Variants in STK33 observed in about 807,000 individuals in gnomAD.
STK33 encodes the protein serine/threonine kinase 33.
A neutral mutation model predicts 58.0 loss-of-function variants in STK33; 52 were observed. The ratio of observed to expected loss-of-function variants is 0.90; its 90% CI spans 0.72 to 1.13. The LOEUF (loss-of-function observed/expected upper bound fraction) is 1.13. Among genes scored for constraint, STK33 ranks in the 50% most tolerant of loss-of-function variants. The pLI is 0.00. For missense variants in STK33, 630 were observed against 604.2 expected, an observed-to-expected ratio of 1.04 and a Z score of -0.45; for synonymous variants, 215 against 200.1, an observed-to-expected ratio of 1.07 and a Z score of -0.63.
chr11:8,378,120 G>A, the STK33 span, among the ~76,000 whole-genome samples: 4 of 152,300 alleles, frequency 2.6e-5, no homozygotes, highest in Non-Finnish European at 5.9e-5. Context: ...CCATTCCGCA[G>A]GGCTAGGGAG....
At chr11:8,504,553 C>A (rs745577263) in intron 1 of STK33, among the ~76,000 whole-genome samples, 2 of 152,106 alleles carry the variant, frequency 1.3e-5, no homozygotes, top group Non-Finnish European at 2.9e-5. Context: ...CTTTGGGAGA[C>A]CAAGGTGGGA....
chr11:8,508,266 C>CTTTTTTT lies in STK33; in HGVS notation c.-465-27659_-465-27653dup, dbSNP rs34759366. Among the ~76,000 whole-genome samples, 102 of 114,250 alleles carry CTTTTTTT rather than the reference C, an allele frequency of 8.9e-4. 3 individuals are homozygous for CTTTTTTT. The highest frequency in any genetic ancestry group is 1.9e-3 in the African/African-American group (53 of 28,536). 75.0% of individuals were successfully genotyped at this position (114,250 alleles called of 152,430 possible). A position where few individuals can be genotyped will look rare whatever the true frequency, so the allele number is the denominator to read the frequency against. Reference sequence around the variant, plus strand: ...TGAAACAAATACTCTACCTTCTATTCTTTTTTTTTTTTTTTTTTTTGAGAC... The same window carrying CTTTTTTT: ...TGAAACAAATACTCTACCTTCTATTCTTTTTTTTTTTTTTTTTTTTTTTTTTTGAGAC... On this transcript the variant is annotated intron_variant, in intron 1 of 15. Coordinates refer to ENST00000687296, the MANE Select transcript of STK33 (RefSeq NM_001352389.2).
chr11:8,498,918 T>C (rs918779718), intron 1 of STK33, among the ~76,000 whole-genome samples: 12 of 152,070 alleles, frequency 7.9e-5, no homozygotes, highest in Non-Finnish European at 1.6e-4. Context: ...TTATACCTTA[T>C]ACAAAAATTA....
At chr11:8,514,504 T>A (rs1256447143) in intron 1 of STK33, among the ~76,000 whole-genome samples, 1 of 152,190 alleles carries the variant, frequency 6.6e-6, no homozygotes, top group African/African-American at 2.4e-5. Context: ...AGTGGGATGT[T>A]ACTGATAGCC....
At chr11:8,449,143 G>A (rs1945925109) in intron 11 of STK33, among the ~76,000 whole-genome samples, 1 of 151,656 alleles carries the variant, frequency 6.6e-6, no homozygotes, top group Non-Finnish European at 1.5e-5. Context: ...ACAGGTGCTG[G>A]AGAGGATGTG....
chr11:8,567,964 T>A (rs943653431), intron 1 of STK33, among the ~76,000 whole-genome samples: 2 of 152,190 alleles, frequency 1.3e-5, no homozygotes, highest in Non-Finnish European at 2.9e-5. Flanking sequence ...GACTAAAAAA[T>A]GCCTCCCTAC....
rs373287293 is a variant in STK33 at position 8,458,093 on chromosome 11, G to A, written c.559-614C>T. On this transcript the variant is annotated intron_variant, in intron 8 of 15. Coordinates refer to ENST00000687296, the MANE Select transcript of STK33 (RefSeq NM_001352389.2). ...CACTGAAGATTTTTAAGCTAGTGCC[G>A]GGGTTGCGGGGTGCACGTGTATGAT... is the stretch of plus-strand genomic sequence containing the variant. Among the ~76,000 whole-genome samples, 21 of 152,200 alleles carry A rather than the reference G, an allele frequency of 1.4e-4. 1 individual carries two copies. The highest frequency in any genetic ancestry group is 9.8e-4 in the Admixed American group (15 of 15,292).
chr11:8,335,919 T>G, the STK33 span, among the ~76,000 whole-genome samples: 1 of 152,202 alleles, frequency 6.6e-6, no homozygotes, highest in African/African-American at 2.4e-5. Flanking sequence ...ACGCGGCTAT[T>G]GTACTCTACA....
At chr11:8,538,149 T>C (rs1378332169) in intron 1 of STK33, among the ~76,000 whole-genome samples, 4 of 151,926 alleles carry the variant, frequency 2.6e-5, no homozygotes, top group Admixed American at 2.6e-4. Flanking sequence ...GAATGCGCTG[T>C]TGCACTCTAG....
chr11:8,405,936 A>T (rs1939077262), intron 15 of STK33, among the ~76,000 whole-genome samples: 1 of 151,982 alleles, frequency 6.6e-6, no homozygotes, highest in Non-Finnish European at 1.5e-5. Flanking sequence ...AGGTCAGGAG[A>T]TCGAGACCAT....
chr11:8,391,220 A>G (rs1210665128), downstream of STK33, among the ~76,000 whole-genome samples: 2 of 152,240 alleles, frequency 1.3e-5, no homozygotes, highest in Admixed American at 6.5e-5. Context: ...GGCTTATGAT[A>G]CGACTGGAAC....
intron 1 of STK33, among the ~76,000 whole-genome samples, chr11:8,484,053 A>T (rs932945691): frequency 6.6e-6 from 1 of 152,170 alleles, no homozygotes; most frequent in African/African-American, 2.4e-5. Flanking sequence ...TTCTGAGACA[A>T]TTTTACATCT....
chr11:8,435,793 T>G (rs1424705194), intron 13 of STK33, among the ~76,000 whole-genome samples: 1 of 152,208 alleles, frequency 6.6e-6, no homozygotes, highest in Non-Finnish European at 1.5e-5. Flanking sequence ...ATAGTAAACA[T>G]TAGCTAGATG....
At chr11:8,459,789 G>A (rs1947298140) in intron 8 of STK33, among the ~76,000 whole-genome samples, 1 of 152,138 alleles carries the variant, frequency 6.6e-6, no homozygotes, top group Non-Finnish European at 1.5e-5. Context: ...GCTGTAGAGA[G>A]AGAAATCTCC....
At chr11:8,341,088 C>T in the STK33 span, among the ~76,000 whole-genome samples, 1 of 131,042 alleles carries the variant, frequency 7.6e-6, no homozygotes, top group South Asian at 2.7e-4. Flanking sequence ...GAACTCATGA[C>T]CTCAGGTGAT....
In STK33 at chr11:8,474,705, T is replaced by G; in HGVS notation, c.201A>C (p.Arg67Ser). 6.2e-7 allele frequency: 1 copy of G among 1,611,120 alleles called. No individual in the cohort carries two copies. The highest frequency in any genetic ancestry group is 1.7e-4 in the Middle Eastern group (1 of 6,002). ...LERKKEKNIN[R>S]DITSRKDLPS... ...CCAAATCTTTCCTGGAGGTTATATCTCTGTTGATATTTTTTTCTTTTTTTC... is the reference window on the plus strand; with the variant it reads ...CCAAATCTTTCCTGGAGGTTATATCGCTGTTGATATTTTTTTCTTTTTTTC... The change falls in exon 5 of 16, where the codon AGA (arginine) becomes AGC (serine). Residue 67 changes from arginine (R) to serine (S), a missense_variant. Coordinates refer to ENST00000687296, the MANE Select transcript of STK33 (RefSeq NM_001352389.2).
chr11:8,569,371 T>C (rs1475667051), intron 1 of STK33, among the ~76,000 whole-genome samples: 1 of 152,088 alleles, frequency 6.6e-6, no homozygotes, highest in Non-Finnish European at 1.5e-5. Context: ...ACAAGAAAAG[T>C]CTTCAACAAA....
chr11:8,403,993 T>C (rs563342729), intron 15 of STK33, among the ~76,000 whole-genome samples: 2 of 152,326 alleles, frequency 1.3e-5, no homozygotes, highest in East Asian at 3.9e-4. Context: ...ATAGCAACAA[T>C]TTCTAGAGTC....
At chr11:8,358,384 C>T in the STK33 span, among the ~76,000 whole-genome samples, 1 of 152,222 alleles carries the variant, frequency 6.6e-6, no homozygotes, top group Non-Finnish European at 1.5e-5. Context: ...GCCTCCAATG[C>T]ATTGGTGAGT....
Sources: gnomAD v4.1 joint callset for allele counts (sites outside exome capture counted in the v4.1 genomes callset) on GRCh38, gnomAD v4.1.1 for gene constraint, MANE v1.5 for transcripts, NCBI Gene and HGNC (gene_info 2026-07-23, HGNC 2026-07-21) for gene names.